The following SSH2 variants were observed in gnomAD, a reference collection of about 807,000 sequenced individuals.
The protein encoded by SSH2 is slingshot protein phosphatase 2.
A neutral mutation model predicts 135.2 loss-of-function variants in SSH2; 37 were observed. The observed-to-expected ratio is 0.27, with a 90% CI of 0.21 to 0.36. The LOEUF is 0.36. SSH2 is among the 10% of genes least tolerant of loss of function. The pLI, the probability that SSH2 is intolerant of heterozygous loss-of-function variation, is 1.00. For missense variants in SSH2, 1,408 were observed against 1,765.3 expected, an observed-to-expected ratio of 0.80 and a Z score of 3.63; for synonymous variants, 628 against 646.2, an observed-to-expected ratio of 0.97 and a Z score of 0.43.
In SSH2 at chr17:29,632,889, G is replaced by C. The variant is rs1188535926; in HGVS notation, c.2305C>G (p.His769Asp). ...TTGACTGAAATTGCATTTTCCGAGT[G>C]AGACTGCATGAAGATGTCTGGGCTG... is the stretch of plus-strand genomic sequence containing the variant. ...LVSPDIFMQS[H>D]SENAISVKEI... is the part of the protein sequence containing the mutation. The change falls in exon 16 of 16, where the codon CAC (histidine) becomes GAC (aspartate). Residue 769 changes from histidine to aspartate, a missense_variant. Coordinates refer to ENST00000540801, the MANE Select transcript of SSH2 (RefSeq NM_001282129.2). 6.2e-7 allele frequency: 1 copy of C among 1,613,716 alleles called. No homozygotes were observed. Among genetic ancestry groups the C allele is most frequent in the South Asian group, 1.1e-5 (1 of 91,040 alleles).
intron 3 of SSH2, among the ~76,000 whole-genome samples, chr17:29,717,358 A>G (rs527385648): frequency 6.6e-6 from 1 of 152,328 alleles, no homozygotes; most frequent in African/African-American, 2.4e-5. Context: ...CTGGTCTAGA[A>G]CTTCTGGACT....
chr17:29,693,286 C>T (rs1598815338), intron 5 of SSH2, among the ~76,000 whole-genome samples: 1 of 151,788 alleles, frequency 6.6e-6, no homozygotes, highest in Admixed American at 6.6e-5. Context: ...AGCATCCCCC[C>T]CGTTCCCTTT....
rs527247772 is a variant in SSH2 at position 29,812,810 on chromosome 17, A to T, written c.145-18873T>A. The stretch of plus-strand genomic sequence containing the variant: ...GAGGCTGAGGCAGGAGAATGGCGAG[A>T]ACCAGGAGACGGAGCTTGCAGTGAG... On this transcript the variant is annotated intron_variant, in intron 2 of 15. Transcript: ENST00000540801. 5.3e-5 allele frequency among the ~76,000 whole-genome samples: 8 copies of T among 151,926 alleles called. No individual in the cohort carries two copies. The South Asian group carries it at 1.7e-3, about 32-fold the overall frequency.
At chr17:29,871,748 T>G (rs1157797940) in intron 1 of SSH2, among the ~76,000 whole-genome samples, 2 of 152,294 alleles carry the variant, frequency 1.3e-5, no homozygotes, top group East Asian at 3.9e-4. Context: ...AGAGGAACTC[T>G]CACATACTAA....
chr17:29,646,844 A>G (rs572440763), intron 14 of SSH2, among the ~76,000 whole-genome samples: 127 of 152,264 alleles, frequency 8.3e-4, no homozygotes, highest in African/African-American at 2.8e-3. Flanking sequence ...AAGTGCTTTC[A>G]TACCTCAAAG....
intron 3 of SSH2, chr17:29,761,248 C>T (rs2041288926): frequency 1.6e-6 from 2 of 1,289,426 alleles, no homozygotes; most frequent in South Asian, 2.5e-5. Context: ...GGGGCGCCTT[C>T]CTCTTGCGGG....
intron 13 of SSH2, among the ~76,000 whole-genome samples, chr17:29,648,874 C>G (rs553953744): frequency 2.0e-4 from 30 of 151,932 alleles, no homozygotes; most frequent in Non-Finnish European, 3.5e-4. Flanking sequence ...GGCGCAGCGG[C>G]TCATGCCTGT....
At chr17:29,758,847 A>G (rs2041206815) in intron 3 of SSH2, among the ~76,000 whole-genome samples, 1 of 151,938 alleles carries the variant, frequency 6.6e-6, no homozygotes, top group South Asian at 2.1e-4. Context: ...CTCCCGGGCT[A>G]AAGTAATCCT....
chr17:29,660,832 A>G (rs200272452), intron 11 of SSH2, among the ~76,000 whole-genome samples: 1 of 151,668 alleles, frequency 6.6e-6, no homozygotes, highest in Admixed American at 6.6e-5. Context: ...TGAGGTGGGC[A>G]GATCACCTGA....
chr17:29,849,346 G>T (rs950492438), intron 1 of SSH2, among the ~76,000 whole-genome samples: 10 of 152,074 alleles, frequency 6.6e-5, no homozygotes, highest in African/African-American at 2.4e-4. Context: ...GGGTGTGGTG[G>T]CCGGTGCCTG....
chr17:29,792,619 A>G (rs923377115), intron 3 of SSH2, among the ~76,000 whole-genome samples: 6 of 152,346 alleles, frequency 3.9e-5, no homozygotes, highest in African/African-American at 1.4e-4. Context: ...GTAGTTTACA[A>G]GAAGGAGGTA....
chr17:29,648,179 T>C lies in SSH2; in HGVS notation c.1392A>G (p.Arg464=), dbSNP rs2036453028. ...TVTKPNPSFM[R]QLEEYQGILL... is the part of the protein sequence containing the mutation. ...AGATCCCCTGATACTCTTCCAGTTG[T>C]CTCATGAAGCTTGGGTTGGGCTTGG... Residue 464 remains arginine (R), a synonymous_variant, in exon 14 of 16, where the codon AGA becomes AGG. Transcript: ENST00000540801. 2 of 1,614,104 alleles carry C rather than the reference T, an allele frequency of 1.2e-6. No individual in the cohort carries two copies. The highest frequency in any genetic ancestry group is 1.7e-6 in the Non-Finnish European group (2 of 1,180,032).
chr17:29,890,810 C>T (rs574508485), intron 1 of SSH2, among the ~76,000 whole-genome samples: 44 of 152,340 alleles, frequency 2.9e-4, no homozygotes, highest in African/African-American at 1.1e-3. Context: ...GGCTGGAGCG[C>T]TGTGGTGCGA....
intron 2 of SSH2, among the ~76,000 whole-genome samples, chr17:29,809,483 G>A (rs770300258): frequency 1.3e-5 from 2 of 152,006 alleles, no homozygotes; most frequent in Admixed American, 6.6e-5. Context: ...ACTCCGTCTT[G>A]TCTCAGACTT....
rs112898728 is a variant in SSH2, at chr17:29,648,170, T to C, written c.1401A>G (p.Glu467=). ...TTGCCAGCAAGATCCCCTGATACTC[T>C]TCCAGTTGTCTCATGAAGCTTGGGT... ...KPNPSFMRQL[E]EYQGILLASK... is the part of the protein sequence containing the mutation. Residue 467 remains glutamate, a synonymous_variant, in exon 14 of 16, where the codon GAA becomes GAG. Coordinates refer to ENST00000540801, the MANE Select transcript of SSH2 (RefSeq NM_001282129.2). 6.2e-6 allele frequency: 10 copies of C among 1,614,096 alleles called. No homozygotes were observed. The highest frequency in any genetic ancestry group is 5.3e-5 in the African/African-American group (4 of 75,052).
At chr17:29,721,765 T>A (rs944767624) in intron 3 of SSH2, among the ~76,000 whole-genome samples, 1 of 152,198 alleles carries the variant, frequency 6.6e-6, no homozygotes, top group African/African-American at 2.4e-5. Context: ...GAGGCATGGA[T>A]GTGTCCTTAT....
At chr17:29,912,123 G>A (rs998787150) in intron 1 of SSH2, among the ~76,000 whole-genome samples, 3 of 152,108 alleles carry the variant, frequency 2.0e-5, no homozygotes, top group African/African-American at 7.2e-5. Flanking sequence ...CTAATGAATG[G>A]TACAGCCACT....
chr17:29,659,486 T>C (rs1298472839), intron 11 of SSH2, among the ~76,000 whole-genome samples: 3 of 152,208 alleles, frequency 2.0e-5, no homozygotes, highest in East Asian at 3.9e-4. Flanking sequence ...TTTTCTATCT[T>C]TGAGCTATCT....
At chr17:29,833,636 T>C (rs1599062267) in intron 2 of SSH2, among the ~76,000 whole-genome samples, 2 of 146,220 alleles carry the variant, frequency 1.4e-5, no homozygotes, top group East Asian at 2.0e-4. Flanking sequence ...ATTTGTTTTC[T>C]GTTTTTTTTT....
Sources: gnomAD v4.1 joint callset for allele counts (sites outside exome capture counted in the v4.1 genomes callset) on GRCh38, gnomAD v4.1.1 for gene constraint, MANE v1.5 for transcripts, NCBI Gene and HGNC (gene_info 2026-07-23, HGNC 2026-07-21) for gene names.